FAF1: variants seen among roughly 807,000 people sequenced by gnomAD.
FAF1 encodes FAS-associated factor 1.
FAF1 carries 25 observed loss-of-function variants against 92.5 expected under a neutral mutation model. The observed-to-expected ratio is 0.27, with a 90% CI of 0.20 to 0.38. The LOEUF (loss-of-function observed/expected upper bound fraction) is 0.38, where lower values mean the gene tolerates loss of function less well. FAF1 is among the 10% of genes least tolerant of loss of function. FAF1 has a pLI of 1.00. For missense variants in FAF1, 636 were observed against 793.3 expected (o/e 0.80, Z 2.38); for synonymous variants, 234 against 273.2 (o/e 0.86, Z 1.42).
chr1:50,716,130 C>T (rs1658161102), intron 6 of FAF1, among the ~76,000 whole-genome samples: 1 of 152,180 alleles, frequency 6.6e-6, no homozygotes, highest in Non-Finnish European at 1.5e-5. Context: ...AAACAATCCA[C>T]TTTATTAATT....
chr1:50,734,151 T>C (rs1020988871), intron 6 of FAF1, among the ~76,000 whole-genome samples: 2 of 152,176 alleles, frequency 1.3e-5, no homozygotes, highest in Admixed American at 6.5e-5. Flanking sequence ...CTACTTGCTG[T>C]CTCTTACTCC....
chr1:50,502,321 G>C (rs1490691238), intron 15 of FAF1, among the ~76,000 whole-genome samples: 1 of 152,166 alleles, frequency 6.6e-6, no homozygotes, highest in Non-Finnish European at 1.5e-5. Flanking sequence ...ACATGAGACT[G>C]CTCAGCCTCA....
chr1:50,796,354 T>C (rs1003577361), intron 3 of FAF1, among the ~76,000 whole-genome samples: 3 of 152,168 alleles, frequency 2.0e-5, no homozygotes, highest in African/African-American at 7.2e-5. Flanking sequence ...GCTTTTTTTT[T>C]ACGGCACCTT....
chr1:50,744,736 G>C lies in FAF1; in HGVS notation c.407C>G (p.Pro136Arg). 1.2e-6 allele frequency: 2 copies of C among 1,610,096 alleles called. No individual in the cohort carries two copies. Among genetic ancestry groups the C allele is most frequent in the Non-Finnish European group, 1.7e-6 (2 of 1,177,970 alleles). Residue 136 changes from proline (P) to arginine (R), a missense_variant, in exon 5 of 19, where the codon CCT becomes CGT. Pro to Arg is a moderately radical substitution (Grantham distance 103, BLOSUM62 -2). Coordinates refer to ENST00000396153, the MANE Select transcript of FAF1 (RefSeq NM_007051.3). The part of the protein sequence containing the change: ...KQILENELQI[P>R]VSKMLLKGWK... ...GCCTTTTAACAGCATTTTGGACACA[G>C]GTATCTGAAGTTCATTTTCTAGAAT...
intron 1 of FAF1, among the ~76,000 whole-genome samples, chr1:50,933,535 A>G (rs1168036741): frequency 6.6e-6 from 1 of 152,180 alleles, no homozygotes; most frequent in East Asian, 1.9e-4. Context: ...TTTTTGTCAA[A>G]GCCATTCGAC....
In FAF1 at chr1:50,567,244, GA is replaced by G. The variant is rs750146515; in HGVS notation, c.1114-14del. 7.6e-6 allele frequency: 12 copies of G among 1,573,422 alleles called. No homozygotes were observed. In the African/African-American group the frequency reaches 1.6e-4, roughly 21 times the overall value. On this transcript the variant is annotated splice_polypyrimidine_tract_variant and intron_variant, in intron 12 of 18. Transcript: ENST00000396153. ...CAAGAAGCTTTCTCTGAAAAGAGGA[GA>G]AAAATCTGATCAATTAAAATATCCA...
At chr1:50,544,050 G>A (rs1201922950) in intron 13 of FAF1, among the ~76,000 whole-genome samples, 1 of 152,130 alleles carries the variant, frequency 6.6e-6, no homozygotes, top group Non-Finnish European at 1.5e-5. Context: ...GAGAACAAGA[G>A]GGAGAACCCA....
chr1:50,782,367 G>A (rs765419009), intron 4 of FAF1, among the ~76,000 whole-genome samples: 6 of 151,806 alleles, frequency 4.0e-5, no homozygotes, highest in Non-Finnish European at 7.4e-5. Context: ...GTAGGCCTAG[G>A]TAATGTGTGT....
chr1:50,864,103 T>A (rs1305147034), intron 1 of FAF1, among the ~76,000 whole-genome samples: 3 of 151,628 alleles, frequency 2.0e-5, no homozygotes, highest in African/African-American at 7.3e-5. Context: ...TTTTCTTCTT[T>A]ATTAGTCTTG....
At chr1:50,735,546 A>C (rs2124480351) in intron 6 of FAF1, among the ~76,000 whole-genome samples, 1 of 152,246 alleles carries the variant, frequency 6.6e-6, no homozygotes, top group Middle Eastern at 3.4e-3. Flanking sequence ...TAATACAAAG[A>C]CTCAATTACC....
At chr1:50,951,622 T>C (rs555220779) in intron 1 of FAF1, among the ~76,000 whole-genome samples, 2 of 152,294 alleles carry the variant, frequency 1.3e-5, no homozygotes, top group East Asian at 1.9e-4. Flanking sequence ...TAATTCTACA[T>C]GCAAAAACCT....
intron 17 of FAF1, among the ~76,000 whole-genome samples, chr1:50,486,685 CA>C (rs2149005921): frequency 6.6e-6 from 1 of 152,256 alleles, no homozygotes; most frequent in South Asian, 2.1e-4. Flanking sequence ...TACCCTCTTG[CA>C]TTAGACAGTA....
At chr1:50,712,162 T>C (rs1657960293) in intron 6 of FAF1, among the ~76,000 whole-genome samples, 1 of 152,168 alleles carries the variant, frequency 6.6e-6, no homozygotes, top group Admixed American at 6.5e-5. Context: ...TACTGAGGGA[T>C]GGGCAAAGAA....
intron 1 of FAF1, among the ~76,000 whole-genome samples, chr1:50,863,916 C>T (rs1325787006): frequency 6.6e-6 from 1 of 152,050 alleles, no homozygotes; most frequent in East Asian, 1.9e-4. Context: ...TCAACTTCTT[C>T]CTGGTTTAGT....
At chr1:50,509,933 C>T (rs1234870859) in intron 15 of FAF1, among the ~76,000 whole-genome samples, 4 of 151,834 alleles carry the variant, frequency 2.6e-5, no homozygotes, top group South Asian at 2.1e-4. Context: ...TTTGGGAGGA[C>T]GAGTTGGGCG....
intron 2 of FAF1, among the ~76,000 whole-genome samples, chr1:50,856,961 A>C (rs1644395166): frequency 2.0e-5 from 3 of 151,824 alleles, no homozygotes; most frequent in Admixed American, 6.6e-5. Context: ...TATTTTTTAA[A>C]TTTAATCACA....
intron 7 of FAF1, 63 bp downstream of exon 7, chr1:50,705,723 T>C: frequency 3.3e-6 from 3 of 909,660 alleles, no homozygotes; most frequent in East Asian, 2.4e-5. Flanking sequence ...AAGCCCTCTT[T>C]AACAGGGTCA....
At chr1:50,924,989 A>G (rs1251820077) in intron 1 of FAF1, among the ~76,000 whole-genome samples, 1 of 152,212 alleles carries the variant, frequency 6.6e-6, no homozygotes, top group African/African-American at 2.4e-5. Context: ...ATCTCAAAAA[A>G]CATAACAAAA....
chr1:50,746,819 T>C (rs1659650764), intron 4 of FAF1, among the ~76,000 whole-genome samples: 1 of 152,198 alleles, frequency 6.6e-6, no homozygotes, highest in African/African-American at 2.4e-5. Flanking sequence ...CTGCCATCAC[T>C]GGCCCAGAGG....
Sources: allele counts gnomAD v4.1 joint callset (sites outside exome capture counted in the v4.1 genomes callset), GRCh38; gene constraint gnomAD v4.1.1; transcripts MANE v1.5; gene names NCBI Gene and HGNC (gene_info 2026-07-23, HGNC 2026-07-21).